Variants in ADARB1 observed in about 807,000 individuals in gnomAD.
The protein encoded by ADARB1 is double-stranded RNA-specific editase 1.
In ADARB1, 10 loss-of-function variants were observed where a neutral mutation model predicts 52.4. That is an observed-to-expected ratio of 0.19 (90% CI 0.12 to 0.32). The LOEUF (loss-of-function observed/expected upper bound fraction) is 0.32. ADARB1 is among the 10% of genes least tolerant of loss of function. The pLI is 1.00. For missense variants in ADARB1, 643 were observed against 922.3 expected (o/e 0.70, Z 3.92); for synonymous variants, 349 against 371.1 (o/e 0.94, Z 0.68).
intron 2 of ADARB1, among the ~76,000 whole-genome samples, chr21:45,158,417 T>C (rs2090780950): frequency 6.6e-6 from 1 of 152,200 alleles, no homozygotes; most frequent in Admixed American, 6.5e-5. Context: ...CTAGGCCTTA[T>C]AAAACACATA....
In ADARB1 at chr21:45,172,458, G is replaced by A. The variant is rs143484356; in HGVS notation, c.28+774G>A. On this transcript the variant is annotated intron_variant, in intron 3 of 10. Coordinates refer to ENST00000348831, the MANE Select transcript of ADARB1 (RefSeq NM_001112.4). The surrounding 1 kb of genome is among the most constrained non-coding windows in gnomAD (Gnocchi z 4.4). ...TGTCAATGATGAGTGACATGTCACT[G>A]GGAGTGATTATTGAGCATTAGAACT... Among the ~76,000 whole-genome samples the A allele has an allele frequency of 1.2e-3, 187 of 152,328 alleles. No homozygotes were observed. The highest frequency in any genetic ancestry group is 4.4e-3 in the African/African-American group (183 of 41,570).
intron 9 of ADARB1, among the ~76,000 whole-genome samples, chr21:45,206,941 G>A (rs2092679688): frequency 1.3e-5 from 2 of 152,132 alleles, no homozygotes; most frequent in Non-Finnish European, 2.9e-5. Context: ...CCGCTGCAGG[G>A]GGCTGTGCCG....
In ADARB1 at chr21:45,176,071, G is replaced by C. The variant is rs2091682319; in HGVS notation, c.370G>C (p.Gly124Arg). The change falls in exon 4 of 11, where the codon GGT (glycine) becomes CGT (arginine). Residue 124 changes from glycine (G) to arginine (R), a missense_variant. Around this residue, in one of 2 missense-constraint regions of ADARB1, gnomAD observed 380 missense variants for 446.5 expected, o/e 0.85. Coordinates refer to ENST00000348831, the MANE Select transcript of ADARB1 (RefSeq NM_001112.4). The surrounding 1 kb of genome is among the most constrained non-coding windows in gnomAD (Gnocchi z 5.8). Reference sequence around the variant, plus strand: ...GAATGGCCAGGTTTTTGAGGGCTCTGGTCCCACAAAGAAAAAGGCAAAACT... The same window carrying C: ...GAATGGCCAGGTTTTTGAGGGCTCTCGTCCCACAAAGAAAAAGGCAAAACT... The part of the protein sequence containing the change: ...EVNGQVFEGS[G>R]PTKKKAKLHA... The C allele has an allele frequency of 6.2e-7, 1 of 1,614,076 alleles. No individual in the cohort carries two copies. The highest frequency in any genetic ancestry group is 8.5e-7 in the Non-Finnish European group (1 of 1,180,012).
intron 1 of ADARB1, among the ~76,000 whole-genome samples, chr21:45,119,394 AGAT>A (rs1166123607): frequency 6.6e-6 from 1 of 152,364 alleles, no homozygotes; most frequent in East Asian, 1.9e-4. Flanking sequence ...AAGCCTTTTT[AGAT>A]CACTCTCAGT....
At chr21:45,098,310 C>T (rs2086853229) in intron 1 of ADARB1, among the ~76,000 whole-genome samples, 1 of 152,216 alleles carries the variant, frequency 6.6e-6, no homozygotes, top group African/African-American at 2.4e-5. Flanking sequence ...CTGCTGCAGG[C>T]CCATGGCCTC....
At chr21:45,173,232 C>G (rs2091560369) in intron 3 of ADARB1, among the ~76,000 whole-genome samples, 1 of 152,216 alleles carries the variant, frequency 6.6e-6, no homozygotes. Context: ...CGTGGACATT[C>G]TGGTCCTGTA....
chr21:45,203,756 G>A (rs773185375), intron 8 of ADARB1, among the ~76,000 whole-genome samples: 3 of 152,204 alleles, frequency 2.0e-5, no homozygotes, highest in Non-Finnish European at 2.9e-5. Flanking sequence ...GAAATAAGCA[G>A]TTTAATGTTT....
intron 2 of ADARB1, among the ~76,000 whole-genome samples, chr21:45,141,658 C>G (rs1056215665): frequency 6.6e-6 from 1 of 152,016 alleles, no homozygotes; most frequent in Admixed American, 6.5e-5. Context: ...TCCAGCCACC[C>G]CAGGGACACC....
intron 1 of ADARB1, among the ~76,000 whole-genome samples, chr21:45,088,198 G>T (rs924139822): frequency 2.0e-5 from 3 of 152,176 alleles, no homozygotes; most frequent in Non-Finnish European, 4.4e-5. Context: ...AGCCTTGTCC[G>T]TTGGGAAGAC....
At chr21:45,108,195 A>G (rs2087345830) in intron 1 of ADARB1, among the ~76,000 whole-genome samples, 1 of 152,264 alleles carries the variant, frequency 6.6e-6, no homozygotes, top group African/African-American at 2.4e-5. Flanking sequence ...GAAACCCGAA[A>G]TTCTAGGAAA....
intron 1 of ADARB1, among the ~76,000 whole-genome samples, chr21:45,076,738 A>G (rs560563762): frequency 4.5e-4 from 68 of 152,338 alleles, no homozygotes; most frequent in Admixed American, 8.5e-4. Flanking sequence ...GAATTCTTTT[A>G]GATTTTTGGA....
At chr21:45,108,592 A>G (rs930234414) in intron 1 of ADARB1, among the ~76,000 whole-genome samples, 24 of 152,298 alleles carry the variant, frequency 1.6e-4, no homozygotes, top group African/African-American at 5.8e-4. Context: ...TCTACTGTGG[A>G]TTATTCTAGG....
chr21:45,109,683 G>C (rs2087446762), intron 1 of ADARB1, among the ~76,000 whole-genome samples: 2 of 152,180 alleles, frequency 1.3e-5, no homozygotes. Context: ...ACGGGCTTTG[G>C]TATTTTATAA....
intron 2 of ADARB1, among the ~76,000 whole-genome samples, chr21:45,163,399 T>C (rs2091081283): frequency 6.6e-6 from 1 of 152,212 alleles, no homozygotes; most frequent in African/African-American, 2.4e-5. Context: ...GGCTGAGAGC[T>C]GTGGACACTG....
At chr21:45,095,800 G>C (rs1480021662) in intron 1 of ADARB1, among the ~76,000 whole-genome samples, 3 of 152,220 alleles carry the variant, frequency 2.0e-5, no homozygotes, top group African/African-American at 7.2e-5. Flanking sequence ...CCAGATGCCT[G>C]GGGCAGGGTC....
At chr21:45,170,959 G>A (rs889901677) in intron 2 of ADARB1, among the ~76,000 whole-genome samples, 1 of 152,150 alleles carries the variant, frequency 6.6e-6, no homozygotes, top group African/African-American at 2.4e-5. Flanking sequence ...TTGAATTTTA[G>A]CAGTCTTGTG....
At chr21:45,115,630 TG>T (rs1433142305) in intron 1 of ADARB1, among the ~76,000 whole-genome samples, 1 of 152,258 alleles carries the variant, frequency 6.6e-6, no homozygotes, top group Non-Finnish European at 1.5e-5. Context: ...ATGTTTACTA[TG>T]TAAATGTTTA....
At chr21:45,219,880 T>C (rs4818767) in intron 9 of ADARB1, among the ~76,000 whole-genome samples, 151,922 of 152,298 alleles carry the variant, frequency 1, 75,774 homozygotes, top group Middle Eastern at 1. Context: ...TGGCCCTCCA[T>C]GTGAACCCAA....
intron 2 of ADARB1, chr21:45,133,541 A>C: frequency 5.8e-6 from 1 of 173,058 alleles, no homozygotes; most frequent in Non-Finnish European, 1.2e-5. Flanking sequence ...GTAACACTAT[A>C]TCCCATCATG....
Sources: gnomAD v4.1 joint callset for allele counts (sites outside exome capture counted in the v4.1 genomes callset) on GRCh38, gnomAD v4.1.1 for gene constraint, gnomAD v4.1.1 regional missense constraint, Gnocchi (gnomAD v3.1) non-coding constraint, MANE v1.5 for transcripts, NCBI Gene and HGNC (gene_info 2026-07-23, HGNC 2026-07-21) for gene names.